The following SEC22C variants were observed in gnomAD, a reference collection of about 807,000 sequenced individuals.
SEC22C encodes vesicle-trafficking protein SEC22c.
SEC22C carries 29 observed loss-of-function variants against 34.7 expected under a neutral mutation model. That is an observed-to-expected ratio of 0.84 (90% CI 0.62 to 1.14). The LOEUF (loss-of-function observed/expected upper bound fraction) is 1.14, where lower values mean the gene tolerates loss of function less well. Ranked by LOEUF, SEC22C falls within the 50% of genes most tolerant of loss-of-function variation. The pLI is 0.00. For synonymous variants in SEC22C, 117 were observed against 132.8 expected (o/e 0.88, Z 0.82); for missense variants, 337 against 369.0 (o/e 0.91, Z 0.71).
At chr3:42,592,613 A>G (rs1189871817) in intron 1 of SEC22C, among the ~76,000 whole-genome samples, 1 of 152,262 alleles carries the variant, frequency 6.6e-6, no homozygotes, top group African/African-American at 2.4e-5. Flanking sequence ...ACCTTAATAG[A>G]ATAGTAGAGA....
chr3:42,553,128 T>A lies in SEC22C; in HGVS notation c.*120A>T. 1 of 1,472,412 alleles carries A rather than the reference T, an allele frequency of 6.8e-7. No individual in the cohort carries two copies. The highest frequency in any genetic ancestry group is 2.4e-5 in the East Asian group (1 of 41,942). The allele number at this position is 1,472,412 out of a possible 1,614,324, so 91.2% of individuals were successfully genotyped here. On this transcript the variant is annotated 3_prime_UTR_variant, in exon 7 of 7. Transcript: ENST00000264454. Reference sequence around the variant, plus strand: ...ACTGTTTAACATCCCCAATTCCTGGTTTTTCAGTCCAGTTGGCTGAAAAGG... The same window carrying A: ...ACTGTTTAACATCCCCAATTCCTGGATTTTCAGTCCAGTTGGCTGAAAAGG...
At chr3:42,588,071 C>A (rs1704682690) in intron 1 of SEC22C, among the ~76,000 whole-genome samples, 1 of 148,186 alleles carries the variant, frequency 6.7e-6, no homozygotes, top group Non-Finnish European at 1.5e-5. Context: ...GAAACTGTCT[C>A]AAAAAAACAA....
intron 1 of SEC22C, among the ~76,000 whole-genome samples, chr3:42,598,861 C>G (rs1361513063): frequency 6.6e-6 from 1 of 151,624 alleles, no homozygotes; most frequent in Admixed American, 6.6e-5. Context: ...TTAATGCCAG[C>G]GAACTGTACA....
chr3:42,563,588 A>T lies in SEC22C; in HGVS notation c.281T>A (p.Phe94Tyr). ...FCFLETLWWE[F>Y]TASYDTTCIG... ...GCAGGTAGTGTCATAGGAAGCTGTG[A>T]ATTCCCACCACAGGGTCTCCAGGAA... The change falls in exon 3 of 7, where the codon TTC becomes TAC. Residue 94 changes from phenylalanine (F) to tyrosine (Y), a missense_variant. By Grantham distance (22) the Phe-to-Tyr change is conservative (BLOSUM62 3). Transcript: ENST00000264454. 1 of 1,614,206 alleles carries T rather than the reference A, an allele frequency of 6.2e-7. No individual in the cohort carries two copies. The highest frequency in any genetic ancestry group is 8.5e-7 in the Non-Finnish European group (1 of 1,180,012).
In SEC22C at chr3:42,552,806, TG is replaced by T. The variant is rs1387208401; in HGVS notation, c.*441del. 1 of 1,006,142 alleles carries T rather than the reference TG, an allele frequency of 9.9e-7. No homozygotes were observed. The highest frequency in any genetic ancestry group is 1.2e-6 in the Non-Finnish European group (1 of 842,590). The allele number at this position is 1,006,142 out of a possible 1,614,324, so 62.3% of individuals were successfully genotyped here. The stretch of plus-strand genomic sequence containing the variant: ...TTTAATTCATCCTGTACTGACCCTC[TG>T]AAAAAAAAAACTAATCAAGTTATGT... On this transcript the variant is annotated 3_prime_UTR_variant, in exon 7 of 7. Coordinates refer to ENST00000264454, the MANE Select transcript of SEC22C (RefSeq NM_032970.4).
chr3:42,594,352 T>G (rs530210110), intron 1 of SEC22C: 1 of 1,241,836 alleles, frequency 8.1e-7, no homozygotes, highest in African/African-American at 1.5e-5. Context: ...GTGGGTAAAT[T>G]ATTTTCCAGT....
At chr3:42,559,415 CA>C (rs1431675500) in intron 4 of SEC22C, among the ~76,000 whole-genome samples, 1 of 152,298 alleles carries the variant, frequency 6.6e-6, no homozygotes, top group East Asian at 1.9e-4. Context: ...ACATACATTA[CA>C]AAGATATGCC....
intron 1 of SEC22C, among the ~76,000 whole-genome samples, chr3:42,574,391 A>C (rs1229052085): frequency 2.6e-5 from 4 of 151,872 alleles, no homozygotes; most frequent in Middle Eastern, 3.4e-3. Flanking sequence ...AAGGAATAAA[A>C]GAAAAATTAA....
Position 42,548,995 on chromosome 3 carries a change from A to G in SEC22C, c.*4253T>C. The G allele has an allele frequency of 1.9e-6, 2 of 1,060,934 alleles. No individual in the cohort carries two copies. Among genetic ancestry groups the G allele is most frequent in the South Asian group, 7.1e-5 (2 of 28,258 alleles). 65.7% of individuals were successfully genotyped at this position (1,060,934 alleles called of 1,614,324 possible). Reference sequence around the variant, plus strand: ...TGTTATCACCATTTACCAGATGAGGAAACTGAGGCCTGATGGGCAGTGATT... The same window carrying G: ...TGTTATCACCATTTACCAGATGAGGGAACTGAGGCCTGATGGGCAGTGATT... On this transcript the variant is annotated 3_prime_UTR_variant, in exon 7 of 7. Coordinates refer to ENST00000264454, the MANE Select transcript of SEC22C (RefSeq NM_032970.4).
At chr3:42,576,307 G>A (rs183850929) in intron 1 of SEC22C, among the ~76,000 whole-genome samples, 6 of 151,712 alleles carry the variant, frequency 4.0e-5, no homozygotes, top group Non-Finnish European at 8.8e-5. Flanking sequence ...TAGAAGAAGA[G>A]CAAAATAAAC....
chr3:42,592,917 T>C (rs1030716082), intron 1 of SEC22C, among the ~76,000 whole-genome samples: 2 of 152,180 alleles, frequency 1.3e-5, no homozygotes, highest in Admixed American at 6.5e-5. Flanking sequence ...TTGTCCCTTC[T>C]TGAAGTTGTT....
At chr3:42,559,911 A>T (rs901733472) in intron 4 of SEC22C, among the ~76,000 whole-genome samples, 2 of 151,910 alleles carry the variant, frequency 1.3e-5, no homozygotes, top group East Asian at 3.9e-4. Context: ...CTTCCTTCAC[A>T]TGAGGTCTCT....
Position 42,559,701 on chromosome 3 carries a change from A to T in SEC22C, c.526+1416T>A, listed in dbSNP as rs1162090124. On this transcript the variant is annotated intron_variant, in intron 4 of 6. Transcript: ENST00000264454. Reference sequence around the variant, plus strand: ...TTATAGTGTAGACACTTCTTTTAGCAAAGGATTCAGCTCTTATGCCATTAT... The same window carrying T: ...TTATAGTGTAGACACTTCTTTTAGCTAAGGATTCAGCTCTTATGCCATTAT... Among the ~76,000 whole-genome samples the T allele has an allele frequency of 3.9e-5, 6 of 152,204 alleles. No homozygotes were observed. The East Asian group carries it at 1.2e-3, about 29-fold the overall frequency.
chr3:42,553,590 G>A (rs547085984), intron 6 of SEC22C, 142 bp from the exon 7 acceptor site: 27 of 1,265,938 alleles, frequency 2.1e-5, no homozygotes, highest in Non-Finnish European at 2.8e-5. Context: ...ACAGTAAAGC[G>A]TGGACCCACT....
intron 1 of SEC22C, among the ~76,000 whole-genome samples, chr3:42,574,363 C>CAAAAAA (rs202174342): frequency 1.1e-5 from 1 of 87,896 alleles, no homozygotes; most frequent in Non-Finnish European, 2.2e-5. Flanking sequence ...GACCCTGTCT[C>CAAAAAA]AAAAAAAAAA....
chr3:42,589,660 G>A (rs576741783), intron 1 of SEC22C, among the ~76,000 whole-genome samples: 5 of 152,314 alleles, frequency 3.3e-5, no homozygotes, highest in South Asian at 2.1e-4. Flanking sequence ...ACCCTATTGT[G>A]AACTGGACTT....
intron 2 of SEC22C, among the ~76,000 whole-genome samples, chr3:42,567,528 A>G (rs1339656524): frequency 6.6e-6 from 1 of 152,216 alleles, no homozygotes; most frequent in African/African-American, 2.4e-5. Flanking sequence ...CAGGTGTAAC[A>G]CTATTACCTA....
In SEC22C at chr3:42,548,924, C is replaced by A. The variant is rs965223094; in HGVS notation, c.*4324G>T. On this transcript the variant is annotated 3_prime_UTR_variant, in exon 7 of 7. Coordinates refer to ENST00000264454, the MANE Select transcript of SEC22C (RefSeq NM_032970.4). ...ACTCACCCAGTATTACCCTCCACTA[C>A]CACTTTTGACCCTCATAACAGCACC... 1.6e-6 allele frequency: 2 copies of A among 1,269,922 alleles called. No homozygotes were observed. The highest frequency in any genetic ancestry group is 2.0e-6 in the Non-Finnish European group (2 of 1,001,542). The allele number at this position is 1,269,922 out of a possible 1,614,324, so 78.7% of individuals were successfully genotyped here. A position where few individuals can be genotyped will look rare whatever the true frequency, so the allele number is the denominator to read the frequency against.
intron 1 of SEC22C, among the ~76,000 whole-genome samples, chr3:42,580,667 C>A (rs1177460708): frequency 6.6e-6 from 1 of 152,232 alleles, no homozygotes; most frequent in Non-Finnish European, 1.5e-5. Flanking sequence ...GGTGGGAAAA[C>A]TGCAGCTGTA....
Sources: gnomAD v4.1 joint callset for allele counts (sites outside exome capture counted in the v4.1 genomes callset) on GRCh38, gnomAD v4.1.1 for gene constraint, MANE v1.5 for transcripts, NCBI Gene and HGNC (gene_info 2026-07-23, HGNC 2026-07-21) for gene names.